Variants in KCNH8 observed in about 807,000 individuals in gnomAD.
KCNH8 encodes the protein voltage-gated delayed rectifier potassium channel KCNH8.
KCNH8 carries 70 observed loss-of-function variants against 103.6 expected under a neutral mutation model. That is an observed-to-expected ratio of 0.68 (90% confidence interval 0.56 to 0.82). The LOEUF (loss-of-function observed/expected upper bound fraction) is 0.82. KCNH8 is among the 40% of genes least tolerant of loss of function. The probability of loss-of-function intolerance (pLI) is 0.00; values close to 1 mark genes in which losing one functional copy is unlikely to be tolerated. For synonymous variants in KCNH8, 498 were observed against 489.4 expected (o/e 1.02, Z -0.23); for missense variants, 1,217 against 1,329.9 (o/e 0.92, Z 1.32).
chr3:19,307,428 T>C (rs757177241), intron 3 of KCNH8, among the ~76,000 whole-genome samples: 9 of 151,962 alleles, frequency 5.9e-5, no homozygotes, highest in Non-Finnish European at 1.0e-4. Flanking sequence ...GGAACTCTTA[T>C]ACACTGTTGA....
intron 1 of KCNH8, among the ~76,000 whole-genome samples, chr3:19,250,098 C>A (rs571295525): frequency 2.0e-5 from 3 of 151,992 alleles, no homozygotes; most frequent in Non-Finnish European, 4.4e-5. Context: ...GAATTTTTAA[C>A]GTATAATCTC....
At chr3:19,368,614 AATAAGGC>A (rs2066044645) in intron 5 of KCNH8, among the ~76,000 whole-genome samples, 1 of 152,084 alleles carries the variant, frequency 6.6e-6, no homozygotes, top group South Asian at 2.1e-4. Flanking sequence ...ACCGTCCTCA[AATAAGGC>A]CATTGAATAA....
chr3:19,525,431 T>C (rs978569886), intron 15 of KCNH8, among the ~76,000 whole-genome samples: 1 of 151,874 alleles, frequency 6.6e-6, no homozygotes, highest in African/African-American at 2.4e-5. Context: ...ACAACCAGTA[T>C]TCTGAGAGCA....
At chr3:19,373,602 A>C (rs1002105122) in intron 5 of KCNH8, among the ~76,000 whole-genome samples, 1 of 151,206 alleles carries the variant, frequency 6.6e-6, no homozygotes, top group African/African-American at 2.4e-5. Flanking sequence ...TTGTGTCTCT[A>C]TTTCCTTCAG....
intron 11 of KCNH8, among the ~76,000 whole-genome samples, chr3:19,499,597 A>T (rs998708035): frequency 6.6e-6 from 1 of 152,234 alleles, no homozygotes; most frequent in African/African-American, 2.4e-5. Flanking sequence ...CTCTCGGCAG[A>T]AACTCTACAG....
rs1233948496 is a variant in KCNH8 at position 19,506,823 on chromosome 3, C to A, written c.2041-3540C>A. Among the ~76,000 whole-genome samples, 3 of 152,050 alleles carry A rather than the reference C, an allele frequency of 2.0e-5. 1 individual carries two copies. Among genetic ancestry groups the A allele is most frequent in the Non-Finnish European group, 4.4e-5 (3 of 67,992 alleles). On this transcript the variant is annotated intron_variant, in intron 11 of 15. Coordinates refer to ENST00000328405, the MANE Select transcript of KCNH8 (RefSeq NM_144633.3). ...AGGTTGGGGTGGCTGCACTGGGGACCCAAGCTGGGGGCACCCTACCTGATA... is the reference window on the plus strand; with the variant it reads ...AGGTTGGGGTGGCTGCACTGGGGACACAAGCTGGGGGCACCCTACCTGATA...
At chr3:19,277,554 A>G (rs1559455215) in intron 2 of KCNH8, among the ~76,000 whole-genome samples, 1 of 152,142 alleles carries the variant, frequency 6.6e-6, no homozygotes, top group African/African-American at 2.4e-5. Context: ...TCTCTTAAAA[A>G]ACAAAAAGGC....
chr3:19,215,739 C>T (rs1456605417), intron 1 of KCNH8, among the ~76,000 whole-genome samples: 1 of 152,162 alleles, frequency 6.6e-6, no homozygotes, highest in African/African-American at 2.4e-5. Context: ...AACAAACAAA[C>T]CAATAAATGA....
At chr3:19,532,709 A>G (rs190936931) in intron 15 of KCNH8, among the ~76,000 whole-genome samples, 103 of 152,346 alleles carry the variant, frequency 6.8e-4, no homozygotes, top group Admixed American at 4.3e-3. Context: ...ATATATCATC[A>G]GTACTTTAGA....
chr3:19,187,649 T>A (rs985877415), intron 1 of KCNH8, among the ~76,000 whole-genome samples: 1 of 152,106 alleles, frequency 6.6e-6, no homozygotes, highest in Non-Finnish European at 1.5e-5. Flanking sequence ...TAGCTTTCCT[T>A]AAGTGCACGG....
chr3:19,231,440 C>A (rs952048748), intron 1 of KCNH8, among the ~76,000 whole-genome samples: 1 of 151,972 alleles, frequency 6.6e-6, no homozygotes, highest in African/African-American at 2.4e-5. Flanking sequence ...TGGAATTATA[C>A]TTTTTTTACA....
chr3:19,339,114 T>G (rs1038831196), intron 3 of KCNH8, among the ~76,000 whole-genome samples: 8 of 152,116 alleles, frequency 5.3e-5, no homozygotes, highest in African/African-American at 1.9e-4. Context: ...GACTAAATAT[T>G]TTCACAGAAA....
chr3:19,519,166 G>A (rs1465802573), intron 15 of KCNH8, among the ~76,000 whole-genome samples: 2 of 151,934 alleles, frequency 1.3e-5, no homozygotes, highest in Non-Finnish European at 2.9e-5. Flanking sequence ...TTGCTCAGGC[G>A]AGAATATGCA....
chr3:19,357,730 A>C (rs1172590820), intron 5 of KCNH8, among the ~76,000 whole-genome samples: 1 of 151,882 alleles, frequency 6.6e-6, no homozygotes, highest in East Asian at 1.9e-4. Flanking sequence ...TCAGAAAGCT[A>C]AGTGTCAAAA....
intron 1 of KCNH8, among the ~76,000 whole-genome samples, chr3:19,150,071 T>A (rs916515192): frequency 3.3e-5 from 5 of 152,228 alleles, no homozygotes; most frequent in Non-Finnish European, 5.9e-5. Flanking sequence ...GGATATTTGG[T>A]CACTTCATAA....
chr3:19,284,670 T>C (rs2064806266), intron 3 of KCNH8, among the ~76,000 whole-genome samples: 1 of 152,064 alleles, frequency 6.6e-6, no homozygotes, highest in Admixed American at 6.6e-5. Flanking sequence ...AAAAATAGTG[T>C]GTACACCACT....
chr3:19,154,524 G>A (rs948283080), intron 1 of KCNH8, among the ~76,000 whole-genome samples: 3 of 152,172 alleles, frequency 2.0e-5, no homozygotes, highest in African/African-American at 4.8e-5. Context: ...GCACACTACA[G>A]TAGATGCCAA....
chr3:19,216,678 C>T lies in KCNH8; in HGVS notation c.77-36976C>T, dbSNP rs578030426. On this transcript the variant is annotated intron_variant, in intron 1 of 15. Transcript: ENST00000328405. ...CCCTTTTGTGTAACTTCCCTTTCCCCAGTGGAAATGTGTGTCCCTCAAGGA... is the reference window on the plus strand; with the variant it reads ...CCCTTTTGTGTAACTTCCCTTTCCCTAGTGGAAATGTGTGTCCCTCAAGGA... 3.0e-4 allele frequency among the ~76,000 whole-genome samples: 45 copies of T among 152,312 alleles called. 1 individual carries two copies. The South Asian group carries it at 7.3e-3, about 25-fold the overall frequency.
intron 1 of KCNH8, among the ~76,000 whole-genome samples, chr3:19,155,839 A>G (rs1366082594): frequency 2.0e-5 from 3 of 152,198 alleles, no homozygotes; most frequent in Non-Finnish European, 4.4e-5. Flanking sequence ...TATATGTGCT[A>G]TAATTATATG....
Sources: gnomAD v4.1 joint callset for allele counts (sites outside exome capture counted in the v4.1 genomes callset) on GRCh38, gnomAD v4.1.1 for gene constraint, MANE v1.5 for transcripts, NCBI Gene and HGNC (gene_info 2026-07-23, HGNC 2026-07-21) for gene names.